The following CCPG1 variants were observed in gnomAD, a reference collection of about 807,000 sequenced individuals.
CCPG1 encodes cell cycle progression protein 1.
A neutral mutation model predicts 81.3 loss-of-function variants in CCPG1; 46 were observed. The ratio of observed to expected loss-of-function variants is 0.57; its 90% CI spans 0.45 to 0.72. The LOEUF (loss-of-function observed/expected upper bound fraction) is 0.72, where lower values mean the gene tolerates loss of function less well. Ranked by LOEUF, CCPG1 falls within the 30% of genes least tolerant of loss-of-function variation. CCPG1 has a pLI of 0.00. For missense variants in CCPG1, 902 were observed against 937.6 expected (o/e 0.96, Z 0.50); for synonymous variants, 330 against 305.2 (o/e 1.08, Z -0.85).
chr15:55,359,388 A>G (rs1304018438), intron 8 of CCPG1, 151 bp downstream of exon 8: 1 of 1,411,662 alleles, frequency 7.1e-7, no homozygotes, highest in African/African-American at 1.4e-5. Context: ...TTTAGACTCC[A>G]TCTTTCAATT....
At chr15:55,397,643 A>C (rs1381093615) in intron 1 of CCPG1, among the ~76,000 whole-genome samples, 1 of 152,194 alleles carries the variant, frequency 6.6e-6, no homozygotes, top group African/African-American at 2.4e-5. Context: ...ATAGCTACTG[A>C]GGCAGAAAGA....
At chr15:55,381,078 A>T (rs970554555) in intron 3 of CCPG1, among the ~76,000 whole-genome samples, 1 of 151,824 alleles carries the variant, frequency 6.6e-6, no homozygotes, top group Non-Finnish European at 1.5e-5. Flanking sequence ...CGGAGCTTGC[A>T]GCGAGCCGAG....
chr15:55,391,856 T>G, intron 1 of CCPG1, among the ~76,000 whole-genome samples: 1 of 107,030 alleles, frequency 9.3e-6, no homozygotes, highest in African/African-American at 3.6e-5. Context: ...GGTAATACAG[T>G]GAAACCTTGA....
chr15:55,404,334 A>C (rs12148682), intron 1 of CCPG1, among the ~76,000 whole-genome samples: 3 of 151,902 alleles, frequency 2.0e-5, no homozygotes, highest in African/African-American at 7.3e-5. Context: ...TTAAGGGCTG[A>C]TAGTAGCCAA....
chr15:55,365,362 G>A (rs1052985526), intron 6 of CCPG1, 53 bp from the exon 7 acceptor site: 17 of 1,016,624 alleles, frequency 1.7e-5, no homozygotes, highest in Admixed American at 2.5e-5. Flanking sequence ...ATCATTAAAT[G>A]TTTTATGTAT....
At chr15:55,389,667 A>G (rs532534021) in intron 1 of CCPG1, among the ~76,000 whole-genome samples, 17 of 152,326 alleles carry the variant, frequency 1.1e-4, no homozygotes, top group South Asian at 1.0e-3. Flanking sequence ...CTCAACAGTT[A>G]TATTGTTGGA....
At chr15:55,366,802 C>A (rs755963661) in intron 6 of CCPG1, among the ~76,000 whole-genome samples, 5 of 152,096 alleles carry the variant, frequency 3.3e-5, no homozygotes, top group Non-Finnish European at 7.4e-5. Flanking sequence ...AACTAGGATT[C>A]TTCATATTTT....
chr15:55,401,191 A>G (rs896978038), intron 1 of CCPG1, among the ~76,000 whole-genome samples: 1 of 152,120 alleles, frequency 6.6e-6, no homozygotes, highest in African/African-American at 2.4e-5. Flanking sequence ...CACTTTTTCT[A>G]TAATTTGAAA....
In CCPG1 at chr15:55,405,849, T is replaced by C. The variant is rs116311961; in HGVS notation, c.-10+2372A>G. 6.1e-3 allele frequency among the ~76,000 whole-genome samples: 934 copies of C among 152,328 alleles called. 9 individuals are homozygous for C. The highest frequency in any genetic ancestry group is 0.022 in the African/African-American group (895 of 41,568). Reference sequence around the variant, plus strand: ...CAGATGCAGCAACAGGGACTTTGCCTGTGTTTTTTACTGTTGTTGCTTATT... The same window carrying C: ...CAGATGCAGCAACAGGGACTTTGCCCGTGTTTTTTACTGTTGTTGCTTATT... On this transcript the variant is annotated intron_variant, in intron 1 of 8. Transcript: ENST00000442196.
Position 55,398,708 on chromosome 15 carries a change from A to G in CCPG1, c.-9-9275T>C, listed in dbSNP as rs553019247. 2.0e-5 allele frequency among the ~76,000 whole-genome samples: 3 copies of G among 152,056 alleles called. No individual in the cohort carries two copies. The South Asian group carries it at 6.2e-4, about 32-fold the overall frequency. On this transcript the variant is annotated intron_variant, in intron 1 of 8. Coordinates refer to ENST00000442196, the MANE Select transcript of CCPG1 (RefSeq NM_001204450.2). ...GAGATTCTCCTGCCTCAGCCTCCCA[A>G]GTAACTGGGATTACAGGTGCGCACC...
intron 3 of CCPG1, among the ~76,000 whole-genome samples, chr15:55,381,094 G>A (rs1272574777): frequency 1.3e-5 from 2 of 151,734 alleles, no homozygotes; most frequent in African/African-American, 2.4e-5. Flanking sequence ...CCGAGATCCC[G>A]CCACTGCACT....
intron 1 of CCPG1, among the ~76,000 whole-genome samples, chr15:55,395,513 C>T (rs2056999503): frequency 6.6e-6 from 1 of 152,102 alleles, no homozygotes; most frequent in African/African-American, 2.4e-5. Flanking sequence ...TTCATTCCCG[C>T]TTTGCCCAAC....
At chr15:55,375,811 CA>C (rs2056553693) in intron 5 of CCPG1, among the ~76,000 whole-genome samples, 1 of 151,946 alleles carries the variant, frequency 6.6e-6, no homozygotes, top group African/African-American at 2.4e-5. Flanking sequence ...CCTCCCACCT[CA>C]GCCTCCCAAG....
At chr15:55,375,260 C>G (rs908064112) in intron 5 of CCPG1, among the ~76,000 whole-genome samples, 1 of 151,356 alleles carries the variant, frequency 6.6e-6, no homozygotes, top group Non-Finnish European at 1.5e-5. Context: ...TGAGCCACCA[C>G]GCCCAGCAAC....
intron 8 of CCPG1, chr15:55,358,441 C>A: frequency 1.0e-6 from 1 of 985,456 alleles, no homozygotes. Flanking sequence ...TCCTACAGGA[C>A]AAAACCTTTA....
intron 1 of CCPG1, among the ~76,000 whole-genome samples, chr15:55,395,014 G>A (rs2056988542): frequency 6.6e-6 from 1 of 152,004 alleles, no homozygotes; most frequent in Admixed American, 6.6e-5. Flanking sequence ...AGACTGAGAT[G>A]GATTTGAGAC....
At chr15:55,406,210 TTGC>T (rs1306451593) in intron 1 of CCPG1, among the ~76,000 whole-genome samples, 49 of 136,694 alleles carry the variant, frequency 3.6e-4, no homozygotes, top group African/African-American at 1.2e-3. Flanking sequence ...ATAACTGGAA[TTGC>T]TGCTTTTTTT....
intron 6 of CCPG1, among the ~76,000 whole-genome samples, chr15:55,371,385 T>A (rs1322055751): frequency 1.3e-5 from 2 of 152,210 alleles, no homozygotes; most frequent in African/African-American, 4.8e-5. Flanking sequence ...AATGAACACT[T>A]ATTATTTACA....
At chr15:55,359,322 T>C in intron 8 of CCPG1, 2 of 1,236,808 alleles carry the variant, frequency 1.6e-6, no homozygotes, top group Non-Finnish European at 2.0e-6. Context: ...AACCATTTGC[T>C]CAAGTCAAAG....
Sources: gnomAD v4.1 joint callset for allele counts (sites outside exome capture counted in the v4.1 genomes callset) on GRCh38, gnomAD v4.1.1 for gene constraint, MANE v1.5 for transcripts, NCBI Gene and HGNC (gene_info 2026-07-23, HGNC 2026-07-21) for gene names.